BANP: variants seen among roughly 807,000 people sequenced by gnomAD.
BANP encodes protein BANP.
In BANP, 11 loss-of-function variants were observed where a neutral mutation model predicts 68.1. The ratio of observed to expected loss-of-function variants is 0.16; its 90% confidence interval spans 0.10 to 0.27. The LOEUF is 0.27. Ranked by LOEUF, BANP falls within the 10% of genes least tolerant of loss-of-function variation. The probability of loss-of-function intolerance (pLI) is 1.00; values close to 1 mark genes in which losing one functional copy is unlikely to be tolerated. For synonymous variants in BANP, 329 were observed against 303.2 expected (o/e 1.09, Z -0.88); for missense variants, 504 against 722.7 (o/e 0.70, Z 3.47).
chr16:88,059,433 C>T (rs1315598323), intron 11 of BANP, among the ~76,000 whole-genome samples: 1 of 152,132 alleles, frequency 6.6e-6, no homozygotes, highest in African/African-American at 2.4e-5. Context: ...CCCACCTGAG[C>T]CCAGTGTGGC....
At chr16:88,054,096 C>G (rs1235824696) in intron 11 of BANP, among the ~76,000 whole-genome samples, 1 of 105,480 alleles carries the variant, frequency 9.5e-6, no homozygotes. Flanking sequence ...CTACTGTCAT[C>G]TCCATCATCA....
Position 88,015,842 on chromosome 16 carries a change from C to T in BANP, c.656-2586C>T, listed in dbSNP as rs530409921. 1.7e-4 allele frequency among the ~76,000 whole-genome samples: 26 copies of T among 152,382 alleles called. No homozygotes were observed. In the Middle Eastern group the frequency reaches 0.01, roughly 60 times the overall value. On this transcript the variant is annotated intron_variant, in intron 6 of 13. Coordinates refer to ENST00000682872, the MANE Select transcript of BANP (RefSeq NM_001386991.1). ...CTCTGTACCGGTGCTGCCAGGAGGC[C>T]TGGCTGGCCTGGGCTGGGAGCCCAC...
intron 5 of BANP, 141 bp from the exon 6 acceptor site, chr16:88,005,949 T>A (rs2070943062): frequency 1.1e-6 from 1 of 921,290 alleles, no homozygotes; most frequent in Admixed American, 2.2e-5. Flanking sequence ...CTATTAATCT[T>A]GGTAGAGAGA....
rs2087877474 is a variant in BANP at position 88,064,507 on chromosome 16, C to T, written c.1312-760C>T. ...CCCACCTGCCTCCCACGGACAGATG[C>T]TCCCAGGATGCGGCTAGGCGTCCAG... On this transcript the variant is annotated intron_variant, in intron 11 of 13. Coordinates refer to ENST00000682872, the MANE Select transcript of BANP (RefSeq NM_001386991.1). The surrounding 1 kb of genome is among the most constrained non-coding windows in gnomAD (Gnocchi z 4.5). 6.6e-6 allele frequency among the ~76,000 whole-genome samples: 1 copy of T among 152,260 alleles called. No homozygotes were observed. The highest frequency in any genetic ancestry group is 1.5e-5 in the Non-Finnish European group (1 of 68,044).
chr16:87,955,754 C>T (rs967509385), intron 1 of BANP, among the ~76,000 whole-genome samples: 4 of 152,124 alleles, frequency 2.6e-5, no homozygotes, highest in South Asian at 2.1e-4. Flanking sequence ...AGCAAGTGAT[C>T]GGGGTAACAC....
intron 6 of BANP, among the ~76,000 whole-genome samples, chr16:88,013,173 G>A (rs1191471539): frequency 6.6e-6 from 1 of 152,214 alleles, no homozygotes; most frequent in Non-Finnish European, 1.5e-5. Flanking sequence ...TTCCCAGTCT[G>A]CCTCTCACTT....
chr16:87,967,879 C>T (rs915359177), intron 1 of BANP, among the ~76,000 whole-genome samples: 1 of 151,916 alleles, frequency 6.6e-6, no homozygotes, highest in Non-Finnish European at 1.5e-5. Context: ...CCTTGGCCCC[C>T]CAAAGTGCTG....
chr16:87,967,367 C>T (rs11117323), intron 1 of BANP, among the ~76,000 whole-genome samples: 96,221 of 150,668 alleles, frequency 0.64, 31,061 homozygotes, highest in Admixed American at 0.68. Context: ...CTTCTCCTCC[C>T]GAAGTGCTGG....
chr16:87,952,766 A>G (rs1022066782), intron 1 of BANP: 1 of 152,056 alleles, frequency 6.6e-6, no homozygotes, highest in Non-Finnish European at 1.5e-5. Flanking sequence ...TTCTGTCATC[A>G]TTGGCGTTAA....
At chr16:88,033,280 G>C in intron 9 of BANP, 35 bp downstream of exon 9, 1 of 1,505,470 alleles carries the variant, frequency 6.6e-7, no homozygotes, top group East Asian at 2.4e-5. Flanking sequence ...CTTGGGAAAG[G>C]GGGCTGCGGG....
intron 11 of BANP, among the ~76,000 whole-genome samples, chr16:88,049,484 G>C (rs758459872): frequency 6.6e-6 from 1 of 152,068 alleles, no homozygotes; most frequent in Non-Finnish European, 1.5e-5. Flanking sequence ...GAAACTTCGT[G>C]ACATTAGCAT....
At chr16:88,010,807 G>A (rs370126292) in intron 6 of BANP, among the ~76,000 whole-genome samples, 1 of 152,114 alleles carries the variant, frequency 6.6e-6, no homozygotes, top group Non-Finnish European at 1.5e-5. Flanking sequence ...GCAGTCCATG[G>A]AATGCCATTC....
chr16:87,962,661 G>A (rs1348624653), intron 1 of BANP, among the ~76,000 whole-genome samples: 9 of 152,042 alleles, frequency 5.9e-5, no homozygotes, highest in African/African-American at 9.7e-5. Flanking sequence ...CCTTTCCCCC[G>A]CAAGCACACA....
intron 4 of BANP, among the ~76,000 whole-genome samples, chr16:87,997,459 G>C (rs1447649275): frequency 6.6e-6 from 1 of 152,284 alleles, no homozygotes; most frequent in East Asian, 1.9e-4. Context: ...TGATCTTTCT[G>C]AGCATCAGTG....
intron 7 of BANP, among the ~76,000 whole-genome samples, chr16:88,027,261 C>A (rs761449543): frequency 1.3e-5 from 2 of 151,938 alleles, no homozygotes; most frequent in Non-Finnish European, 2.9e-5. Context: ...GTCATGACAC[C>A]TTAGTGAGCA....
intron 11 of BANP, among the ~76,000 whole-genome samples, chr16:88,061,305 C>T (rs766988236): frequency 1.3e-5 from 2 of 152,226 alleles, no homozygotes; most frequent in Non-Finnish European, 2.9e-5. Flanking sequence ...TGAAACTTAG[C>T]CTTTTTTGGC....
intron 4 of BANP, among the ~76,000 whole-genome samples, chr16:87,987,814 G>A (rs2064863812): frequency 6.6e-6 from 1 of 151,064 alleles, no homozygotes; most frequent in Non-Finnish European, 1.5e-5. Context: ...GATGCAGGCT[G>A]GAGTACAGTG....
chr16:88,041,731 G>C (rs992900925), intron 11 of BANP, among the ~76,000 whole-genome samples: 4 of 152,248 alleles, frequency 2.6e-5, no homozygotes, highest in Non-Finnish European at 5.9e-5. Flanking sequence ...CTTACATCTG[G>C]TGCTGGGTTG....
intron 4 of BANP, among the ~76,000 whole-genome samples, chr16:87,998,551 C>A (rs1255665845): frequency 1.4e-5 from 2 of 145,418 alleles, no homozygotes; most frequent in Non-Finnish European, 3.1e-5. Context: ...CTTCCAGACA[C>A]GTCTCCATGC....
Sources: gnomAD v4.1 joint callset for allele counts (sites outside exome capture counted in the v4.1 genomes callset) on GRCh38, gnomAD v4.1.1 for gene constraint, Gnocchi (gnomAD v3.1) non-coding constraint, MANE v1.5 for transcripts, NCBI Gene and HGNC (gene_info 2026-07-23, HGNC 2026-07-21) for gene names.